Variants in BMPR2 observed in about 807,000 individuals in gnomAD.
BMPR2 encodes bone morphogenetic protein receptor type-2.
BMPR2 carries 29 observed loss-of-function variants against 100.8 expected under a neutral mutation model. That is an observed-to-expected ratio of 0.29 (90% confidence interval 0.21 to 0.39). The LOEUF (loss-of-function observed/expected upper bound fraction) is 0.39, where lower values mean the gene tolerates loss of function less well. Ranked by LOEUF, BMPR2 falls within the 10% of genes least tolerant of loss-of-function variation. BMPR2 has a pLI of 1.00. For missense variants in BMPR2, 1,011 were observed against 1,274.5 expected, an observed-to-expected ratio of 0.79 and a Z score of 3.15; for synonymous variants, 382 against 442.3, an observed-to-expected ratio of 0.86 and a Z score of 1.71.
intron 1 of BMPR2, among the ~76,000 whole-genome samples, chr2:202,409,854 C>G: frequency 6.7e-6 from 1 of 148,944 alleles, no homozygotes; most frequent in African/African-American, 2.4e-5. Context: ...TATATATATA[C>G]TTAACAGTAA....
intron 10 of BMPR2, among the ~76,000 whole-genome samples, chr2:202,542,894 C>T (rs529758129): frequency 6.9e-4 from 105 of 151,948 alleles, no homozygotes; most frequent in African/African-American, 2.4e-3. Flanking sequence ...AAATATAATT[C>T]GGCTGGGTGC....
chr2:202,377,965 G>C (rs1307123620), intron 1 of BMPR2, among the ~76,000 whole-genome samples: 1 of 152,182 alleles, frequency 6.6e-6, no homozygotes, highest in South Asian at 2.1e-4. Flanking sequence ...ATAGTAAAAA[G>C]AACATCAACT....
chr2:202,454,103 A>G (rs1477328879), intron 1 of BMPR2, among the ~76,000 whole-genome samples: 4 of 152,136 alleles, frequency 2.6e-5, no homozygotes, highest in Non-Finnish European at 4.4e-5. Context: ...ACAGGGTCTC[A>G]CTGTCACCCA....
chr2:202,410,619 AC>A lies in BMPR2; in HGVS notation c.76+33072del, dbSNP rs537380768. Among the ~76,000 whole-genome samples the A allele has an allele frequency of 7.9e-5, 12 of 151,786 alleles. No homozygotes were observed. In the South Asian group the frequency reaches 2.3e-3, roughly 29 times the overall value. ...ATCTGAGACAGTCTCTTGCTCTGTC[AC>A]CCAGGCTGGAGTGCAGTGGCACGAT... On this transcript the variant is annotated intron_variant, in intron 1 of 12. Coordinates refer to ENST00000374580, the MANE Select transcript of BMPR2 (RefSeq NM_001204.7).
chr2:202,473,176 C>T lies in BMPR2; in HGVS notation c.418+5487C>T, dbSNP rs556165046. Among the ~76,000 whole-genome samples, 228 of 152,160 alleles carry T rather than the reference C, an allele frequency of 1.5e-3. 2 individuals are homozygous for T. Among genetic ancestry groups the T allele is most frequent in the African/African-American group, 5.4e-3 (223 of 41,526 alleles). ...TAAAATTTTTCATTATGGCAGGGCA[C>T]AGTGGCTCATGCCTGTAATCCCAGC... On this transcript the variant is annotated intron_variant, in intron 3 of 12. Coordinates refer to ENST00000374580, the MANE Select transcript of BMPR2 (RefSeq NM_001204.7).
chr2:202,405,257 G>C (rs1033518404), intron 1 of BMPR2, among the ~76,000 whole-genome samples: 4 of 152,138 alleles, frequency 2.6e-5, no homozygotes, highest in African/African-American at 4.8e-5. Context: ...CTGTTTAACT[G>C]TTCCATCATT....
In BMPR2 at chr2:202,555,974, G is replaced by A. The variant is rs767324952; in HGVS notation, c.2309G>A (p.Arg770Gln). 1.3e-5 allele frequency: 21 copies of A among 1,613,940 alleles called. No homozygotes were observed. The highest frequency in any genetic ancestry group is 2.2e-5 in the South Asian group (2 of 91,082). Residue 770 changes from arginine (R) to glutamine (Q), a missense_variant, in exon 12 of 13, where the codon CGG becomes CAG. By Grantham distance (43) the Arg-to-Gln change is conservative. Transcript: ENST00000374580. ...LNTKNSTKEPRLKFGSKHKSN... is the reference protein window; with the variant it reads ...LNTKNSTKEPQLKFGSKHKSN... ...ACCAAAAATTCAACAAAAGAGCCCC[G>A]GCTAAAATTTGGCAGCAAGCACAAA... is the stretch of plus-strand genomic sequence containing the variant.
intron 1 of BMPR2, among the ~76,000 whole-genome samples, chr2:202,442,391 T>C (rs1375945478): frequency 6.6e-6 from 1 of 150,710 alleles, no homozygotes; most frequent in African/African-American, 2.5e-5. Flanking sequence ...ATTAACTTCA[T>C]GGTTCATCCA....
chr2:202,390,317 C>T (rs1262390190), intron 1 of BMPR2, among the ~76,000 whole-genome samples: 1 of 149,618 alleles, frequency 6.7e-6, no homozygotes, highest in African/African-American at 2.5e-5. Context: ...GTATGAGAAC[C>T]TCCCTTTTCT....
Position 202,567,603 on chromosome 2 carries a change from T to C in BMPR2, c.*7657T>C, listed in dbSNP as rs990572399. The C allele has an allele frequency of 6.6e-6, 1 of 152,606 alleles. No homozygotes were observed. The highest frequency in any genetic ancestry group is 1.5e-5 in the Non-Finnish European group (1 of 68,030). 9.5% of individuals were successfully genotyped at this position (152,606 alleles called of 1,614,324 possible). A position where few individuals can be genotyped will look rare whatever the true frequency, so the allele number is the denominator to read the frequency against. ...TTTTCTATGAATAAGTGTAAGTAAATGCTTTGATATATATAAACCTAAATA... is the reference window on the plus strand; with the variant it reads ...TTTTCTATGAATAAGTGTAAGTAAACGCTTTGATATATATAAACCTAAATA... On this transcript the variant is annotated 3_prime_UTR_variant, in exon 13 of 13. Coordinates refer to ENST00000374580, the MANE Select transcript of BMPR2 (RefSeq NM_001204.7).
At chr2:202,515,931 T>G (rs1559061918) in intron 5 of BMPR2, among the ~76,000 whole-genome samples, 2 of 152,022 alleles carry the variant, frequency 1.3e-5, no homozygotes, top group East Asian at 3.8e-4. Context: ...AGGTTGACCT[T>G]TGATTAGAGA....
At position 202,376,545 on chromosome 2, in the gene BMPR2, G is replaced by A. The variant is rs3044175; in HGVS notation, c.-930G>A. Among the ~76,000 whole-genome samples the A allele has an allele frequency of 1.1e-4, 15 of 140,578 alleles. No homozygotes were observed. The highest frequency in any genetic ancestry group is 4.5e-4 in the Admixed American group (6 of 13,358). The allele number at this position is 140,578 out of a possible 152,430, so 92.2% of individuals were successfully genotyped here. The stretch of plus-strand genomic sequence containing the variant: ...CGGCGGCGGCGGCGGCGGCGGCGGC[G>A]GCAGCAGCAGCGGCTTCCTCGGGGG... On this transcript the variant is annotated 5_prime_UTR_variant, in exon 1 of 13. Coordinates refer to ENST00000374580, the MANE Select transcript of BMPR2 (RefSeq NM_001204.7).
chr2:202,440,750 C>T (rs1165727550), intron 1 of BMPR2, among the ~76,000 whole-genome samples: 10 of 150,358 alleles, frequency 6.7e-5, no homozygotes, highest in Non-Finnish European at 1.2e-4. Flanking sequence ...GGTGGCAGTA[C>T]AGTCCAGCCT....
At position 202,506,018 on chromosome 2, in the gene BMPR2, G is replaced by A. The variant is rs527497395; in HGVS notation, c.419-7701G>A. On this transcript the variant is annotated intron_variant, in intron 3 of 12. Coordinates refer to ENST00000374580, the MANE Select transcript of BMPR2 (RefSeq NM_001204.7). Reference sequence around the variant, plus strand: ...GACTGGGTACTTAGTTCTAGAGTCTGGGAAGTCCGTGTCCTTAATAGTGCC... The same window carrying A: ...GACTGGGTACTTAGTTCTAGAGTCTAGGAAGTCCGTGTCCTTAATAGTGCC... Among the ~76,000 whole-genome samples the A allele has an allele frequency of 9.9e-5, 15 of 152,244 alleles. No homozygotes were observed. The South Asian group carries it at 2.9e-3, about 29-fold the overall frequency.
intron 7 of BMPR2, 43 bp from the exon 8 acceptor site, chr2:202,530,751 G>C (rs777788695): frequency 1.1e-5 from 16 of 1,504,848 alleles, no homozygotes; most frequent in Non-Finnish European, 1.5e-5. Context: ...ATGTTCAATA[G>C]TCCCTTTTAT....
Position 202,377,342 on chromosome 2 carries a change from G to C in BMPR2, c.-133G>C. 3 of 869,318 alleles carry C rather than the reference G, an allele frequency of 3.5e-6. No individual in the cohort carries two copies. The South Asian group carries it at 4.0e-5, about 12-fold the overall frequency. 53.9% of individuals were successfully genotyped at this position (869,318 alleles called of 1,614,324 possible). Reference sequence around the variant, plus strand: ...AGCTAGGTCCTCTCATCAGCCATTTGTCCTTTCAAACTGTATTGTGATACG... The same window carrying C: ...AGCTAGGTCCTCTCATCAGCCATTTCTCCTTTCAAACTGTATTGTGATACG... On this transcript the variant is annotated 5_prime_UTR_variant, in exon 1 of 13. Coordinates refer to ENST00000374580, the MANE Select transcript of BMPR2 (RefSeq NM_001204.7).
intron 1 of BMPR2, among the ~76,000 whole-genome samples, chr2:202,396,010 T>G (rs1218329283): frequency 1.3e-5 from 2 of 151,674 alleles, no homozygotes; most frequent in Admixed American, 6.6e-5. Context: ...GAAATTGGCC[T>G]GATGATGGAG....
chr2:202,489,819 C>T (rs978009964), intron 3 of BMPR2, among the ~76,000 whole-genome samples: 3 of 152,174 alleles, frequency 2.0e-5, no homozygotes, highest in East Asian at 1.9e-4. Flanking sequence ...CACACACCTA[C>T]GTAAGATGTT....
chr2:202,430,253 G>C (rs1161661077), intron 1 of BMPR2, among the ~76,000 whole-genome samples: 2 of 152,140 alleles, frequency 1.3e-5, no homozygotes, highest in Non-Finnish European at 2.9e-5. Context: ...GGGGGATAGG[G>C]CTTCATTATA....
Sources: gnomAD v4.1 joint callset for allele counts (sites outside exome capture counted in the v4.1 genomes callset) on GRCh38, gnomAD v4.1.1 for gene constraint, MANE v1.5 for transcripts, NCBI Gene and HGNC (gene_info 2026-07-23, HGNC 2026-07-21) for gene names.